Variants in MICAL3 observed in about 807,000 individuals in gnomAD.
MICAL3 encodes [F-actin]-monooxygenase MICAL3.
Under a neutral mutation model 207.4 loss-of-function variants are expected in MICAL3, and 62 were observed. The ratio of observed to expected loss-of-function variants is 0.30; its 90% CI spans 0.24 to 0.37. MICAL3 has a LOEUF of 0.37. Among genes scored for constraint, MICAL3 ranks in the 10% least tolerant of loss-of-function variants. The pLI is 1.00. For synonymous variants in MICAL3, 1,077 were observed against 1,069.3 expected (o/e 1.01, Z -0.14); for missense variants, 2,368 against 2,635.6 (o/e 0.90, Z 2.22).
chr22:17,989,162 C>G (rs1921379026), intron 1 of MICAL3, among the ~76,000 whole-genome samples: 1 of 152,106 alleles, frequency 6.6e-6, no homozygotes, highest in South Asian at 2.1e-4. Context: ...ATCCATTTGA[C>G]CAGGAGAATA....
At chr22:17,860,419 T>C in intron 19 of MICAL3, 5 of 985,436 alleles carry the variant, frequency 5.1e-6, no homozygotes, top group Non-Finnish European at 6.0e-6. Context: ...TGTTGGGCTC[T>C]CGTACCGCCG....
intron 1 of MICAL3, among the ~76,000 whole-genome samples, chr22:17,970,875 G>A (rs1194862189): frequency 2.0e-5 from 3 of 152,118 alleles, no homozygotes; most frequent in Non-Finnish European, 4.4e-5. Context: ...ACTGTGCCCT[G>A]TGAGCTGTTA....
intron 29 of MICAL3, among the ~76,000 whole-genome samples, chr22:17,802,159 C>A (rs1181981410): frequency 6.6e-6 from 1 of 151,792 alleles, no homozygotes; most frequent in Non-Finnish European, 1.5e-5. Flanking sequence ...AACTCCTGGG[C>A]TCATGTGATC....
chr22:17,843,469 C>T (rs1365206239), intron 19 of MICAL3, among the ~76,000 whole-genome samples: 1 of 152,204 alleles, frequency 6.6e-6, no homozygotes, highest in Admixed American at 6.5e-5. Context: ...TGCCTGGCTC[C>T]ACCAGTAGTT....
Position 17,902,771 on chromosome 22 carries a change from T to C in MICAL3, c.473-24A>G, listed in dbSNP as rs923889116. On this transcript the variant is annotated intron_variant, in intron 3 of 31. Coordinates refer to ENST00000441493, the MANE Select transcript of MICAL3 (RefSeq NM_015241.3). This position sits in a 1 kb window ranked among gnomAD's most constrained non-coding sequence, Gnocchi z 4.5. Reference sequence around the variant, plus strand: ...ACCTGGGAGAATACAGAGATGACGTTGATGGGAACACATGGAGAAGGGGGT... The same window carrying C: ...ACCTGGGAGAATACAGAGATGACGTCGATGGGAACACATGGAGAAGGGGGT... 6.9e-6 allele frequency: 10 copies of C among 1,440,864 alleles called. No homozygotes were observed. Among genetic ancestry groups the C allele is most frequent in the Non-Finnish European group, 9.6e-6 (10 of 1,039,558 alleles). 89.3% of individuals were successfully genotyped at this position (1,440,864 alleles called of 1,614,324 possible).
At chr22:17,811,631 A>T (rs567885306) in intron 27 of MICAL3, 1 of 152,280 alleles carries the variant, frequency 6.6e-6, no homozygotes, top group Non-Finnish European at 1.5e-5. Context: ...CAAGGGCTCA[A>T]GGGAGCATCA....
rs1930211589 is a variant in MICAL3 at position 17,889,412 on chromosome 22, A to AAAAGC, written c.1695-187_1695-183dup. On this transcript the variant is annotated intron_variant, in intron 12 of 31. Transcript: ENST00000441493. ...CTTGTTCTTTTTCTTTTTACTGAGG[A>AAAAGC]AAAGCAAAGCAACCTCAGGAAGTGA... is the stretch of plus-strand genomic sequence containing the variant. Among the ~76,000 whole-genome samples, 4 of 152,298 alleles carry AAAAGC rather than the reference A, an allele frequency of 2.6e-5. No individual in the cohort carries two copies. The South Asian group carries it at 8.3e-4, about 32-fold the overall frequency.
intron 19 of MICAL3, among the ~76,000 whole-genome samples, chr22:17,857,159 C>T (rs905469939): frequency 6.6e-6 from 1 of 152,202 alleles, no homozygotes; most frequent in Non-Finnish European, 1.5e-5. Context: ...CCACCCCCTG[C>T]GCTGTGGCCC....
At chr22:17,826,879 A>C (rs1475380686) in intron 22 of MICAL3, among the ~76,000 whole-genome samples, 2 of 137,528 alleles carry the variant, frequency 1.5e-5, no homozygotes, top group Non-Finnish European at 3.3e-5. Flanking sequence ...CAAACGTCTT[A>C]TTAATGCTGT....
rs1921242307 is a variant in MICAL3, at chr22:17,818,766, G to T, written c.3895C>A (p.Gln1299Lys). 1 of 1,595,012 alleles carries T rather than the reference G, an allele frequency of 6.3e-7. No individual in the cohort carries two copies. Among genetic ancestry groups the T allele is most frequent in the South Asian group, 1.1e-5 (1 of 89,076 alleles). ...CTGTCCTTGGTGTCACTTTGGCTTT[G>T]GACAGGGAGAGGGGCCAGTGGGGTG... The part of the protein sequence containing the change: ...TSTPLAPLPV[Q>K]SQSDTKDRLG... The change falls in exon 26 of 32, where the codon CAA (glutamine) becomes AAA (lysine). Residue 1299 changes from glutamine to lysine, a missense_variant. Gln to Lys is a moderately conservative substitution (Grantham distance 53, BLOSUM62 1). Around this residue, in one of 4 missense-constraint regions of MICAL3, gnomAD observed 1,770 missense variants for 1,863.2 expected, o/e 0.95. Transcript: ENST00000441493.
chr22:18,017,900 G>A (rs1012368145), intron 1 of MICAL3, among the ~76,000 whole-genome samples: 2 of 151,878 alleles, frequency 1.3e-5, no homozygotes, highest in Non-Finnish European at 2.9e-5. Flanking sequence ...ACAGGTGCCC[G>A]CCACCACGCC....
chr22:18,007,648 A>G (rs1428642875), intron 1 of MICAL3, among the ~76,000 whole-genome samples: 1 of 152,072 alleles, frequency 6.6e-6, no homozygotes, highest in Non-Finnish European at 1.5e-5. Flanking sequence ...ACCACTGGCT[A>G]GCAAAGTAAA....
intron 1 of MICAL3, among the ~76,000 whole-genome samples, chr22:17,990,558 G>A (rs1921563226): frequency 6.6e-6 from 1 of 152,182 alleles, no homozygotes; most frequent in Non-Finnish European, 1.5e-5. Flanking sequence ...AGTCTCGGGA[G>A]GATAAGGAAC....
intron 1 of MICAL3, among the ~76,000 whole-genome samples, chr22:17,963,465 A>T (rs1232905200): frequency 6.6e-6 from 1 of 152,040 alleles, no homozygotes; most frequent in African/African-American, 2.4e-5. Flanking sequence ...GACAGTCCCT[A>T]TCTCCCAAGC....
chr22:17,922,463 C>A (rs1169834673), intron 1 of MICAL3, among the ~76,000 whole-genome samples: 1 of 152,108 alleles, frequency 6.6e-6, no homozygotes, highest in Non-Finnish European at 1.5e-5. Context: ...TTCCCTAAGG[C>A]ATATTAGGAG....
chr22:17,998,671 C>T (rs1922593378), intron 1 of MICAL3, among the ~76,000 whole-genome samples: 1 of 151,880 alleles, frequency 6.6e-6, no homozygotes, highest in Admixed American at 6.6e-5. Flanking sequence ...AGCAATTCTC[C>T]TGCCTCAGCC....
intron 16 of MICAL3, among the ~76,000 whole-genome samples, chr22:17,872,227 G>A (rs1927794966): frequency 6.6e-6 from 1 of 152,244 alleles, no homozygotes; most frequent in Non-Finnish European, 1.5e-5. Context: ...TCCACGCACT[G>A]ACAGAGAACA....
intron 16 of MICAL3, chr22:17,876,869 GGTT>G (rs1928535858): frequency 1.8e-5 from 2 of 114,098 alleles, no homozygotes; most frequent in African/African-American, 9.0e-5. Context: ...AGGTTAGGGA[GGTT>G]AGGGAGGTTA....
At chr22:17,905,691 T>G (rs985142140) in intron 2 of MICAL3, among the ~76,000 whole-genome samples, 1 of 152,176 alleles carries the variant, frequency 6.6e-6, no homozygotes, top group South Asian at 2.1e-4. Flanking sequence ...ATCTGCAAAT[T>G]TGTGTCCCTG....
Sources: gnomAD v4.1 joint callset for allele counts (sites outside exome capture counted in the v4.1 genomes callset) on GRCh38, gnomAD v4.1.1 for gene constraint, gnomAD v4.1.1 regional missense constraint, Gnocchi (gnomAD v3.1) non-coding constraint, MANE v1.5 for transcripts, NCBI Gene and HGNC (gene_info 2026-07-23, HGNC 2026-07-21) for gene names.